Variants in WDPCP observed in about 807,000 individuals in gnomAD.
The protein encoded by WDPCP is WD repeat containing planar cell polarity effector, also known as WD repeat-containing and planar cell polarity effector protein fritz homolog.
In WDPCP, 71 loss-of-function variants were observed where a neutral mutation model predicts 93.1. The observed-to-expected ratio is 0.76, with a 90% CI of 0.63 to 0.93. The LOEUF (loss-of-function observed/expected upper bound fraction) is 0.93, where lower values mean the gene tolerates loss of function less well. WDPCP is among the 40% of genes least tolerant of loss of function. The pLI, the probability that WDPCP is intolerant of heterozygous loss-of-function variation, is 0.00. For synonymous variants in WDPCP, 315 were observed against 315.0 expected, an observed-to-expected ratio of 1.00 and a Z score of 0.00; for missense variants, 844 against 887.4, an observed-to-expected ratio of 0.95 and a Z score of 0.62.
In WDPCP at chr2:63,597,407, G is replaced by A. The variant is rs533261577; in HGVS notation, n.488+53252C>T. On this transcript the variant is annotated intron_variant and non_coding_transcript_variant, in intron 3 of 4. Coordinates refer to the WDPCP transcript ENST00000467687. Reference sequence around the variant, plus strand: ...TATTGCCATGTCCACAGATGTCATCGCAACAGATAAAGAAGACGTTGCCTT... The same window carrying A: ...TATTGCCATGTCCACAGATGTCATCACAACAGATAAAGAAGACGTTGCCTT... 4.0e-4 allele frequency: 568 copies of A among 1,427,172 alleles called. 13 individuals carry two copies. The South Asian group carries it at 8.4e-3, about 21-fold the overall frequency. 88.4% of individuals were successfully genotyped at this position (1,427,172 alleles called of 1,614,324 possible). A position where few individuals can be genotyped will look rare whatever the true frequency, so the allele number is the denominator to read the frequency against.
intron 13 of WDPCP, among the ~76,000 whole-genome samples, chr2:63,293,974 T>G (rs1684640876): frequency 6.6e-6 from 1 of 152,132 alleles, no homozygotes; most frequent in Non-Finnish European, 1.5e-5. Context: ...ACTCCCCAAA[T>G]TTGATGAAAG....
chr2:63,702,970 T>G lies in WDPCP; in HGVS notation n.309-52132A>C, dbSNP rs186098540. ...CCCACCTATGAGTGAGAACATGTGG[T>G]GTTTGGTTTTTTGTCCTTGCAATAG... On this transcript the variant is annotated intron_variant and non_coding_transcript_variant, in intron 2 of 4. Coordinates refer to the WDPCP transcript ENST00000467687. Among the ~76,000 whole-genome samples the G allele has an allele frequency of 4.1e-3, 624 of 150,502 alleles. 6 individuals are homozygous for G. Among genetic ancestry groups the G allele is most frequent in the African/African-American group, 0.014 (570 of 40,972 alleles).
intron 1 of WDPCP, among the ~76,000 whole-genome samples, chr2:63,546,689 T>C (rs1259684042): frequency 6.6e-6 from 1 of 152,138 alleles, no homozygotes; most frequent in Non-Finnish European, 1.5e-5. Flanking sequence ...GAAGAATAAT[T>C]ACAAGATCAT....
intron 2 of WDPCP, among the ~76,000 whole-genome samples, chr2:63,714,079 G>A (rs1669299883): frequency 6.7e-6 from 1 of 149,190 alleles, no homozygotes. Flanking sequence ...TTTTGAGACG[G>A]AGTTTCATTC....
chr2:63,532,316 A>G (rs1391131842), intron 1 of WDPCP, among the ~76,000 whole-genome samples: 3 of 152,206 alleles, frequency 2.0e-5, no homozygotes, highest in African/African-American at 7.2e-5. Flanking sequence ...AACTTCCCCA[A>G]CCTAGTGAGG....
At chr2:63,574,564 C>T (rs1707781517) in intron 1 of WDPCP, among the ~76,000 whole-genome samples, 1 of 152,124 alleles carries the variant, frequency 6.6e-6, no homozygotes, top group South Asian at 2.1e-4. Context: ...AAGGTGCCTA[C>T]CCTCACAGAA....
rs143349770 is a variant in WDPCP at position 63,462,268 on chromosome 2, C to T, written c.384+22336G>A. Reference sequence around the variant, plus strand: ...CACAAGGACAGAAAACCAAACACTGCATATTCTCACTCATAGGTGGGAACT... The same window carrying T: ...CACAAGGACAGAAAACCAAACACTGTATATTCTCACTCATAGGTGGGAACT... On this transcript the variant is annotated intron_variant, in intron 6 of 17. Transcript: ENST00000272321. Among the ~76,000 whole-genome samples the T allele has an allele frequency of 3.4e-3, 522 of 152,282 alleles. 3 individuals carry two copies. Among genetic ancestry groups the T allele is most frequent in the Middle Eastern group, 0.02 (6 of 294 alleles).
At chr2:63,295,738 TAA>T (rs1362017869) in intron 13 of WDPCP, among the ~76,000 whole-genome samples, 1 of 150,314 alleles carries the variant, frequency 6.7e-6, no homozygotes, top group Non-Finnish European at 1.5e-5. Flanking sequence ...AACAGACCAA[TAA>T]AGAGTACTGA....
At chr2:63,305,116 C>A (rs960508807) in intron 13 of WDPCP, among the ~76,000 whole-genome samples, 1 of 152,146 alleles carries the variant, frequency 6.6e-6, no homozygotes, top group African/African-American at 2.4e-5. Context: ...ATAGATAAAA[C>A]TCCCACCTCC....
rs1008595920 is a variant in WDPCP at position 63,701,875 on chromosome 2, G to C, written n.309-51037C>G. On this transcript the variant is annotated intron_variant and non_coding_transcript_variant, in intron 2 of 4. Transcript: ENST00000467687. ...GGGTGGGGTGAGGGGGATGAAGAGAGGTTGACTAATGGGTACAAATATACA... is the reference window on the plus strand; with the variant it reads ...GGGTGGGGTGAGGGGGATGAAGAGACGTTGACTAATGGGTACAAATATACA... Among the ~76,000 whole-genome samples, 5 of 152,112 alleles carry C rather than the reference G, an allele frequency of 3.3e-5. No individual in the cohort carries two copies. The East Asian group carries it at 9.6e-4, about 29-fold the overall frequency.
intron 17 of WDPCP, among the ~76,000 whole-genome samples, chr2:63,132,280 T>C (rs1000279597): frequency 1.3e-5 from 2 of 152,066 alleles, no homozygotes; most frequent in African/African-American, 4.8e-5. Context: ...TCTTTGTCTT[T>C]GACTTTCAGC....
intron 14 of WDPCP, among the ~76,000 whole-genome samples, chr2:63,217,929 G>A (rs1360925800): frequency 1.3e-5 from 2 of 152,156 alleles, no homozygotes; most frequent in Non-Finnish European, 2.9e-5. Context: ...CCTTGATAAA[G>A]ATTAGGCTAT....
At chr2:63,427,064 C>T (rs938200936) in intron 9 of WDPCP, among the ~76,000 whole-genome samples, 8 of 152,136 alleles carry the variant, frequency 5.3e-5, no homozygotes, top group Non-Finnish European at 1.2e-4. Context: ...TATATGCATC[C>T]AACACTGGAG....
intron 1 of WDPCP, among the ~76,000 whole-genome samples, chr2:63,562,724 T>G (rs975621493): frequency 6.6e-6 from 1 of 152,222 alleles, no homozygotes; most frequent in South Asian, 2.1e-4. Flanking sequence ...ATAAATTTCA[T>G]GTATGTACTT....
upstream of WDPCP, chr2:63,588,943 T>C (rs1575715447): frequency 1.9e-6 from 3 of 1,566,598 alleles, no homozygotes; most frequent in South Asian, 1.1e-5. Context: ...CTTTTCTCGC[T>C]AACACCGCTC....
intron 2 of WDPCP, among the ~76,000 whole-genome samples, chr2:63,723,989 A>G (rs754472731): frequency 2.0e-5 from 3 of 152,172 alleles, no homozygotes; most frequent in Non-Finnish European, 4.4e-5. Context: ...CAGATTTGCT[A>G]CCTAAGTTTC....
At chr2:63,359,989 A>G (rs1440958670) in intron 12 of WDPCP, 1 of 152,352 alleles carries the variant, frequency 6.6e-6, no homozygotes, top group African/African-American at 2.4e-5. Context: ...CTGAGGCAGA[A>G]GAATCGCTTG....
chr2:63,560,273 T>C (rs188210808), intron 1 of WDPCP, among the ~76,000 whole-genome samples: 1 of 151,802 alleles, frequency 6.6e-6, no homozygotes, highest in East Asian at 1.9e-4. Context: ...CAAAAAAAAG[T>C]GTGTATAGCC....
chr2:63,555,406 T>TC (rs917133827), intron 1 of WDPCP, among the ~76,000 whole-genome samples: 2 of 49,854 alleles, frequency 4.0e-5, no homozygotes, highest in African/African-American at 4.7e-4. Context: ...GGACTTAGTT[T>TC]TTCCCCTGCT....
Sources: gnomAD v4.1 joint callset for allele counts (sites outside exome capture counted in the v4.1 genomes callset) on GRCh38, gnomAD v4.1.1 for gene constraint, MANE v1.5 for transcripts, NCBI Gene and HGNC (gene_info 2026-07-23, HGNC 2026-07-21) for gene names.